MTMR3: variants seen among roughly 807,000 people sequenced by gnomAD.
MTMR3 encodes the protein myotubularin related protein 3.
A neutral mutation model predicts 132.4 loss-of-function variants in MTMR3; 32 were observed. The ratio of observed to expected loss-of-function variants is 0.24; its 90% CI spans 0.18 to 0.32. The LOEUF is 0.32. MTMR3 is among the 10% of genes least tolerant of loss of function. The probability of loss-of-function intolerance (pLI) is 1.00; values close to 1 mark genes in which losing one functional copy is unlikely to be tolerated. For missense variants in MTMR3, 1,216 were observed against 1,489.6 expected, an observed-to-expected ratio of 0.82 and a Z score of 3.02; for synonymous variants, 556 against 550.3, an observed-to-expected ratio of 1.01 and a Z score of -0.14.
chr22:29,967,556 A>G (rs914854212), intron 2 of MTMR3, among the ~76,000 whole-genome samples: 10 of 149,822 alleles, frequency 6.7e-5, no homozygotes, highest in African/African-American at 1.7e-4. Flanking sequence ...TTTTTGAGCT[A>G]TAAGTCATAT....
chr22:30,008,225 T>A (rs1157291493), intron 11 of MTMR3, 193 bp downstream of exon 11: 2 of 635,486 alleles, frequency 3.1e-6, no homozygotes, highest in East Asian at 6.4e-5. Flanking sequence ...GAGGAGGAGG[T>A]GCAGTGAAGT....
At chr22:29,916,199 T>A (rs908026142) in intron 1 of MTMR3, among the ~76,000 whole-genome samples, 2 of 152,222 alleles carry the variant, frequency 1.3e-5, no homozygotes, top group African/African-American at 4.8e-5. Context: ...AGGTTTCAGC[T>A]GAATGGCCTG....
intron 1 of MTMR3, among the ~76,000 whole-genome samples, chr22:29,884,988 C>T (rs1329302115): frequency 6.6e-6 from 1 of 152,162 alleles, no homozygotes; most frequent in African/African-American, 2.4e-5. Context: ...CCCTCATTTT[C>T]AGGTGACTCA....
intron 19 of MTMR3, chr22:30,023,480 C>T (rs2067820629): frequency 3.1e-6 from 5 of 1,614,106 alleles, no homozygotes; most frequent in Non-Finnish European, 4.2e-6. Context: ...GTTGATCAAA[C>T]GTGGTGAGCA....
At chr22:29,963,459 G>A (rs867954315) in intron 2 of MTMR3, among the ~76,000 whole-genome samples, 3 of 147,564 alleles carry the variant, frequency 2.0e-5, no homozygotes, top group Admixed American at 6.9e-5. Context: ...GTGCGATCTC[G>A]GCTCACTGCA....
intron 1 of MTMR3, among the ~76,000 whole-genome samples, chr22:29,944,411 G>A (rs2065916072): frequency 6.6e-6 from 1 of 151,890 alleles, no homozygotes; most frequent in African/African-American, 2.4e-5. Flanking sequence ...TCTAGATTAA[G>A]TATCCTCACA....
chr22:29,981,142 T>C (rs994700795), intron 5 of MTMR3: 2 of 152,256 alleles, frequency 1.3e-5, no homozygotes, highest in Non-Finnish European at 1.5e-5. Flanking sequence ...TACATTCTTT[T>C]ATAACATTTA....
intron 2 of MTMR3, among the ~76,000 whole-genome samples, chr22:29,970,005 A>C (rs2066501643): frequency 6.6e-6 from 1 of 152,218 alleles, no homozygotes; most frequent in Non-Finnish European, 1.5e-5. Context: ...TGTGTTACAG[A>C]AGCTTAGCAA....
chr22:29,918,402 T>C (rs2065348128), intron 1 of MTMR3, among the ~76,000 whole-genome samples: 1 of 152,238 alleles, frequency 6.6e-6, no homozygotes, highest in Non-Finnish European at 1.5e-5. Context: ...ATGTTTTAGT[T>C]TCTCTTTTTG....
chr22:29,961,219 T>C (rs774801023), intron 2 of MTMR3, among the ~76,000 whole-genome samples: 1 of 152,176 alleles, frequency 6.6e-6, no homozygotes, highest in Non-Finnish European at 1.5e-5. Flanking sequence ...GTATATTCAT[T>C]TTTAAGAATA....
intron 14 of MTMR3, chr22:30,015,803 C>T (rs2067574389): frequency 6.6e-6 from 1 of 152,188 alleles, no homozygotes; most frequent in Non-Finnish European, 1.5e-5. Context: ...CATTTCCTAC[C>T]ATTCTCCCTC....
At chr22:29,910,686 C>T (rs2065193949) in intron 1 of MTMR3, among the ~76,000 whole-genome samples, 1 of 150,830 alleles carries the variant, frequency 6.6e-6, no homozygotes, top group Admixed American at 6.6e-5. Flanking sequence ...TATATAAGCC[C>T]ATTAAATTGA....
Position 29,970,962 on chromosome 22 carries a change from C to A in MTMR3, c.-84-14C>A. ...TTTTTTTTTCTTCTTCCCCCTCTTCCCCCCCACCCCCAGACTTCACCATAA... is the reference window on the plus strand; with the variant it reads ...TTTTTTTTTCTTCTTCCCCCTCTTCACCCCCACCCCCAGACTTCACCATAA... On this transcript the variant is annotated splice_polypyrimidine_tract_variant and intron_variant, in intron 2 of 19. Coordinates refer to ENST00000401950, the MANE Select transcript of MTMR3 (RefSeq NM_021090.4). 4 of 532,112 alleles carry A rather than the reference C, an allele frequency of 7.5e-6. No homozygotes were observed. Among genetic ancestry groups the A allele is most frequent in the Non-Finnish European group, 1.2e-5 (4 of 341,850 alleles). 33.0% of individuals were successfully genotyped at this position (532,112 alleles called of 1,614,324 possible).
rs5997557 is a variant in MTMR3 at position 29,965,241 on chromosome 22, T to G, written c.-84-5735T>G. On this transcript the variant is annotated intron_variant, in intron 2 of 19. Coordinates refer to ENST00000401950, the MANE Select transcript of MTMR3 (RefSeq NM_021090.4). ...TCATACTGTCTAACACATACTAGAT[T>G]ATTGGTAAATTTTGACTGACTGCAG... 9.5e-4 allele frequency among the ~76,000 whole-genome samples: 145 copies of G among 152,078 alleles called. 1 individual carries two copies. The highest frequency in any genetic ancestry group is 3.4e-3 in the African/African-American group (142 of 41,476).
chr22:29,905,755 A>T (rs1293638861), intron 1 of MTMR3, among the ~76,000 whole-genome samples: 1 of 152,118 alleles, frequency 6.6e-6, no homozygotes, highest in African/African-American at 2.4e-5. Context: ...TGCATCTTTT[A>T]TTACTGTATT....
At chr22:29,942,574 T>G (rs974246641) in intron 1 of MTMR3, among the ~76,000 whole-genome samples, 2 of 152,178 alleles carry the variant, frequency 1.3e-5, no homozygotes, top group African/African-American at 4.8e-5. Flanking sequence ...TAGGGCTTAT[T>G]TCATCCCTCC....
chr22:29,940,571 CT>C (rs562388979), intron 1 of MTMR3, among the ~76,000 whole-genome samples: 9 of 147,592 alleles, frequency 6.1e-5, no homozygotes, highest in Non-Finnish European at 8.9e-5. Flanking sequence ...GAAACTAGAA[CT>C]TTTTTTTTTC....
chr22:29,978,247 G>T, intron 3 of MTMR3, 195 bp from the exon 4 acceptor site: 5 of 420,254 alleles, frequency 1.2e-5, no homozygotes, highest in African/African-American at 4.0e-5. Context: ...TTGCATCAAT[G>T]TGTTTTCAGA....
At chr22:30,022,518 C>T (rs1601441755) in intron 18 of MTMR3, 91 bp from the exon 19 acceptor site, 3 of 1,125,974 alleles carry the variant, frequency 2.7e-6, no homozygotes, top group African/African-American at 1.5e-5. Context: ...TGATGTGGTC[C>T]TTGTGACTCT....
Sources: allele counts gnomAD v4.1 joint callset (sites outside exome capture counted in the v4.1 genomes callset), GRCh38; gene constraint gnomAD v4.1.1; transcripts MANE v1.5; gene names NCBI Gene and HGNC (gene_info 2026-07-23, HGNC 2026-07-21).